Variants in SEC23IP observed in about 807,000 individuals in gnomAD.
SEC23IP encodes the protein SEC23-interacting protein.
SEC23IP carries 70 observed loss-of-function variants against 113.4 expected under a neutral mutation model. That is an observed-to-expected ratio of 0.62 (90% CI 0.51 to 0.75). The LOEUF (loss-of-function observed/expected upper bound fraction) is 0.75. SEC23IP is among the 30% of genes least tolerant of loss of function. The pLI, the probability that SEC23IP is intolerant of heterozygous loss-of-function variation, is 0.00. For missense variants in SEC23IP, 1,160 were observed against 1,204.9 expected, an observed-to-expected ratio of 0.96 and a Z score of 0.55; for synonymous variants, 398 against 421.0, an observed-to-expected ratio of 0.95 and a Z score of 0.67.
chr10:119,896,376 T>C (rs1854285320), intron 1 of SEC23IP, among the ~76,000 whole-genome samples: 1 of 152,228 alleles, frequency 6.6e-6, no homozygotes, highest in Admixed American at 6.5e-5. Flanking sequence ...CTGGTTTGAA[T>C]GTCTGAATGA....
chr10:119,932,127 C>G lies in SEC23IP; in HGVS notation c.2573-6C>G. 1 of 1,596,130 alleles carries G rather than the reference C, an allele frequency of 6.3e-7. No individual in the cohort carries two copies. Among genetic ancestry groups the G allele is most frequent in the Non-Finnish European group, 8.6e-7 (1 of 1,164,628 alleles). ...TTAACTTGTTGTGTCATCTTAATCT[C>G]TTTAGAATTGAAAGAGAGTCTCTCT... On this transcript the variant is annotated splice_polypyrimidine_tract_variant and splice_region_variant and intron_variant, in intron 15 of 18. Transcript: ENST00000369075.
chr10:119,919,490 T>C lies in SEC23IP; in HGVS notation c.1919T>C (p.Val640Ala). The C allele has an allele frequency of 6.2e-7, 1 of 1,613,394 alleles. No homozygotes were observed. Among genetic ancestry groups the C allele is most frequent in the Non-Finnish European group, 8.5e-7 (1 of 1,179,778 alleles). The part of the protein sequence containing the change: ...KLTLDESYDL[V>A]VENKEVLTLQ... ...ACTTTGGATGAGTCGTATGACCTTGTTGTTGAAAATAAAGAAGTCCTAACT... is the reference window on the plus strand; with the variant it reads ...ACTTTGGATGAGTCGTATGACCTTGCTGTTGAAAATAAAGAAGTCCTAACT... Residue 640 changes from valine (V) to alanine (A), a missense_variant, in exon 11 of 19, where the codon GTT (valine) becomes GCT (alanine). Coordinates refer to ENST00000369075, the MANE Select transcript of SEC23IP (RefSeq NM_007190.4).
At position 119,932,106 on chromosome 10, in the gene SEC23IP, C is replaced by T. The variant is rs776825384; in HGVS notation, c.2573-27C>T. The T allele has an allele frequency of 2.7e-5, 40 of 1,494,494 alleles. 1 individual carries two copies. Among genetic ancestry groups the T allele is most frequent in the East Asian group, 2.5e-4 (11 of 44,200 alleles). 92.6% of individuals were successfully genotyped at this position (1,494,494 alleles called of 1,614,324 possible). A position where few individuals can be genotyped will look rare whatever the true frequency, so the allele number is the denominator to read the frequency against. Reference sequence around the variant, plus strand: ...AGAAGTTTACCCAGTGACTAATTAACTTGTTGTGTCATCTTAATCTCTTTA... The same window carrying T: ...AGAAGTTTACCCAGTGACTAATTAATTTGTTGTGTCATCTTAATCTCTTTA... On this transcript the variant is annotated intron_variant, in intron 15 of 18. Transcript: ENST00000369075.
Position 119,928,284 on chromosome 10 carries a change from A to G in SEC23IP, c.2314-1323A>G, listed in dbSNP as rs567905378. On this transcript the variant is annotated intron_variant, in intron 13 of 18. Coordinates refer to ENST00000369075, the MANE Select transcript of SEC23IP (RefSeq NM_007190.4). ...TTTTTCCTTTACTGACATTTATAAA[A>G]TATTTACATATTAAGGTTATTAGCT... Among the ~76,000 whole-genome samples the G allele has an allele frequency of 2.6e-5, 4 of 152,306 alleles. No individual in the cohort carries two copies. The East Asian group carries it at 7.7e-4, about 29-fold the overall frequency.
Position 119,933,676 on chromosome 10 carries a change from C to A in SEC23IP, c.2922-10C>A. 6.9e-7 allele frequency: 1 copy of A among 1,454,774 alleles called. No individual in the cohort carries two copies. Among genetic ancestry groups the A allele is most frequent in the Non-Finnish European group, 9.6e-7 (1 of 1,037,302 alleles). The allele number at this position is 1,454,774 out of a possible 1,614,324, so 90.1% of individuals were successfully genotyped here. ...TGTCTCTTAAGTAAATATGCTTTTCCTTTTCATAGGGAATCTGAAGATACT... is the reference window on the plus strand; with the variant it reads ...TGTCTCTTAAGTAAATATGCTTTTCATTTTCATAGGGAATCTGAAGATACT... On this transcript the variant is annotated splice_polypyrimidine_tract_variant and intron_variant, in intron 17 of 18. Transcript: ENST00000369075.
chr10:119,902,127 C>T (rs1013620715), intron 2 of SEC23IP, among the ~76,000 whole-genome samples: 7 of 152,186 alleles, frequency 4.6e-5, no homozygotes, highest in African/African-American at 9.7e-5. Flanking sequence ...GAGGTCAAGG[C>T]GGGCTGGTCA....
At chr10:119,907,070 G>C (rs533626603) in intron 4 of SEC23IP, among the ~76,000 whole-genome samples, 2 of 151,832 alleles carry the variant, frequency 1.3e-5, no homozygotes, top group Admixed American at 6.6e-5. Flanking sequence ...GCCGAGGCGG[G>C]CTGATTGCTT....
intron 7 of SEC23IP, 108 bp downstream of exon 7, chr10:119,914,927 A>C (rs557826490): frequency 1.4e-5 from 14 of 967,866 alleles, no homozygotes; most frequent in African/African-American, 4.9e-5. Flanking sequence ...CTTGCTGAGG[A>C]GTCTGTAAGA....
At position 119,902,890 on chromosome 10, in the gene SEC23IP, A is replaced by G. The variant is rs779368100; in HGVS notation, c.788A>G (p.Gln263Arg). Residue 263 changes from glutamine (Q) to arginine (R), a missense_variant, in exon 3 of 19, where the codon CAA becomes CGA. Physicochemically the swap from Gln to Arg is conservative, Grantham distance 43 (BLOSUM62 1). Coordinates refer to ENST00000369075, the MANE Select transcript of SEC23IP (RefSeq NM_007190.4). The part of the protein sequence containing the change: ...SVQVPSPFLL[Q>R]NQYEPVQPHW... Reference sequence around the variant, plus strand: ...CAAGTGCCATCTCCTTTTCTACTTCAAAACCAATATGAGCCTGTTCAGCCC... The same window carrying G: ...CAAGTGCCATCTCCTTTTCTACTTCGAAACCAATATGAGCCTGTTCAGCCC... 9.3e-6 allele frequency: 15 copies of G among 1,614,206 alleles called. No homozygotes were observed. Among genetic ancestry groups the G allele is most frequent in the Non-Finnish European group, 1.3e-5 (15 of 1,180,032 alleles).
intron 2 of SEC23IP, among the ~76,000 whole-genome samples, chr10:119,901,508 G>A (rs1854496964): frequency 6.6e-6 from 1 of 151,694 alleles, no homozygotes; most frequent in South Asian, 2.1e-4. Context: ...AAATTTATTA[G>A]CTATGATTTT....
chr10:119,904,012 G>A (rs547806183), intron 3 of SEC23IP, 72 bp from the exon 4 acceptor site: 22 of 1,510,300 alleles, frequency 1.5e-5, no homozygotes, highest in Middle Eastern at 1.7e-4. Flanking sequence ...GAGCCACTGC[G>A]CCCAGCAGAT....
Position 119,944,145 on chromosome 10 carries a change from A to T in SEC23IP, c.*3580A>T, listed in dbSNP as rs1303767417. The T allele has an allele frequency of 6.6e-6, 1 of 151,832 alleles. No homozygotes were observed. Among genetic ancestry groups the T allele is most frequent in the Non-Finnish European group, 1.5e-5 (1 of 67,980 alleles). The allele number at this position is 151,832 out of a possible 1,614,324, so 9.4% of individuals were successfully genotyped here. On this transcript the variant is annotated 3_prime_UTR_variant, in exon 19 of 19. Coordinates refer to ENST00000369075, the MANE Select transcript of SEC23IP (RefSeq NM_007190.4). ...CGTGTCAGGGGAGGGACCTGGTGGG[A>T]GGTGATTGGATCATGGGGGCTGTTT...
Position 119,929,591 on chromosome 10 carries a change from A to T in SEC23IP, c.2314-16A>T. On this transcript the variant is annotated splice_polypyrimidine_tract_variant and intron_variant, in intron 13 of 18. Transcript: ENST00000369075. ...ATTGGAACAATCATCTTTCATTGTT[A>T]TTTGATTCTTTCCAGGTTTCTGTTG... 2 of 1,597,478 alleles carry T rather than the reference A, an allele frequency of 1.3e-6. No homozygotes were observed. Among genetic ancestry groups the T allele is most frequent in the Non-Finnish European group, 8.6e-7 (1 of 1,169,024 alleles).
chr10:119,897,669 G>A (rs2456723), intron 1 of SEC23IP, among the ~76,000 whole-genome samples: 108,304 of 152,032 alleles, frequency 0.71, 38,847 homozygotes, highest in East Asian at 0.82. Context: ...TCGAGTAACA[G>A]TTGAATTATT....
intron 2 of SEC23IP, among the ~76,000 whole-genome samples, chr10:119,899,207 G>A (rs1245204461): frequency 5.3e-5 from 8 of 152,196 alleles, no homozygotes; most frequent in Admixed American, 5.2e-4. Context: ...CTACGTGTCA[G>A]TATTTCCAGA....
chr10:119,897,077 G>C (rs1469303068), intron 1 of SEC23IP, among the ~76,000 whole-genome samples: 1 of 152,222 alleles, frequency 6.6e-6, no homozygotes, highest in Non-Finnish European at 1.5e-5. Flanking sequence ...TTGGAGCCCG[G>C]AGCTTGGAAT....
intron 15 of SEC23IP, 24 bp from the exon 16 acceptor site, chr10:119,932,106 CTTG>C (rs751495515): frequency 4.1e-5 from 62 of 1,494,610 alleles, no homozygotes; most frequent in East Asian, 1.4e-4. Context: ...GACTAATTAA[CTTG>C]TTGTGTCATC....
At chr10:119,908,955 A>G (rs1242161229) in intron 4 of SEC23IP, 86 bp from the exon 5 acceptor site, 2 of 866,572 alleles carry the variant, frequency 2.3e-6, no homozygotes, top group Non-Finnish European at 3.7e-6. Flanking sequence ...TTTTATCACC[A>G]TTATAGTGAC....
chr10:119,924,515 G>T (rs1009290039), intron 12 of SEC23IP, among the ~76,000 whole-genome samples: 2 of 151,860 alleles, frequency 1.3e-5, no homozygotes, highest in Admixed American at 1.3e-4. Flanking sequence ...CGCCTCCCAG[G>T]TTCAAGCAAT....
Sources: gnomAD v4.1 joint callset for allele counts (sites outside exome capture counted in the v4.1 genomes callset) on GRCh38, gnomAD v4.1.1 for gene constraint, MANE v1.5 for transcripts, NCBI Gene and HGNC (gene_info 2026-07-23, HGNC 2026-07-21) for gene names.